The following SSUH2 variants were observed in gnomAD, a reference collection of about 807,000 sequenced individuals.
The protein encoded by SSUH2 is ssu-2 homolog, also known as protein SSUH2 homolog.
Under a neutral mutation model 55.3 loss-of-function variants are expected in SSUH2, and 47 were observed. The ratio of observed to expected loss-of-function variants is 0.85; its 90% confidence interval spans 0.67 to 1.08. The LOEUF is 1.08. SSUH2 is among the 50% of genes least tolerant of loss of function. The pLI is 0.00. For missense variants in SSUH2, 535 were observed against 490.7 expected (o/e 1.09, Z -0.85); for synonymous variants, 212 against 191.5 (o/e 1.11, Z -0.89).
At position 8,623,476 on chromosome 3, in the gene SSUH2, C is replaced by T. The variant is rs546681134; in HGVS notation, c.981+73G>A. Reference sequence around the variant, plus strand: ...CTACGTCCTCATCCTTCCGCTCCGACGTTCTCAGGAAAGAGGGCTCAGCAG... The same window carrying T: ...CTACGTCCTCATCCTTCCGCTCCGATGTTCTCAGGAAAGAGGGCTCAGCAG... On this transcript the variant is annotated intron_variant, in intron 11 of 11. Coordinates refer to ENST00000544814, the MANE Select transcript of SSUH2 (RefSeq NM_001256748.3). 5 of 933,822 alleles carry T rather than the reference C, an allele frequency of 5.4e-6. No individual in the cohort carries two copies. The East Asian group carries it at 1.1e-4, about 20-fold the overall frequency. The allele number at this position is 933,822 out of a possible 1,614,324, so 57.8% of individuals were successfully genotyped here.
rs1458134339 is a variant in SSUH2, at chr3:8,627,739, C to A, written c.633G>T (p.Gln211His). 1.2e-6 allele frequency: 2 copies of A among 1,610,606 alleles called. No homozygotes were observed. Among genetic ancestry groups the A allele is most frequent in the African/African-American group, 2.7e-5 (2 of 74,776 alleles). The change falls in exon 8 of 12, where the codon CAG (glutamine) becomes CAT (histidine). Residue 211 changes from glutamine to histidine, a missense_variant. By Grantham distance (24) the Gln-to-His change is conservative. Coordinates refer to ENST00000544814, the MANE Select transcript of SSUH2 (RefSeq NM_001256748.3). ...CCGCGCACAGCTGACATCTCCGGGA[C>A]TGCTTGGCTTTGCGCTTGGCTCCGC... ...SCCGAKRKAK[Q>H]SRRCQLCAGS...
chr3:8,680,160 G>A (rs893473584), intron 1 of SSUH2, among the ~76,000 whole-genome samples: 22 of 152,178 alleles, frequency 1.4e-4, no homozygotes, highest in Middle Eastern at 3.2e-3. Context: ...GGTGGCCTAC[G>A]TCTCTAAACA....
rs763523323 is a variant in SSUH2 at position 8,633,702 on chromosome 3, G to A, written c.303C>T (p.Leu101=). The change falls in exon 4 of 12, where the codon CTC becomes CTT. Residue 101 remains leucine, a synonymous_variant. Transcript: ENST00000544814. The part of the protein sequence containing the change: ...CCYSSTVAGD[L]VIQELKRQTL... ...TCTGCCGCTTCAGCTCCTGGATGACGAGGTCTCCAGCCACCGTGCTGCTGT... is the reference window on the plus strand; with the variant it reads ...TCTGCCGCTTCAGCTCCTGGATGACAAGGTCTCCAGCCACCGTGCTGCTGT... 29 of 1,539,710 alleles carry A rather than the reference G, an allele frequency of 1.9e-5. No individual in the cohort carries two copies. Among genetic ancestry groups the A allele is most frequent in the Admixed American group, 4.0e-5 (2 of 49,408 alleles).
chr3:8,620,198 G>A (rs1321548311), intron 11 of SSUH2, among the ~76,000 whole-genome samples, 184 bp from the exon 12 acceptor site: 1 of 152,152 alleles, frequency 6.6e-6, no homozygotes, highest in Non-Finnish European at 1.5e-5. Flanking sequence ...ATCTTCATGT[G>A]ACATAAGAGG....
chr3:8,672,453 T>A (rs951713023), intron 3 of SSUH2, among the ~76,000 whole-genome samples: 1 of 152,104 alleles, frequency 6.6e-6, no homozygotes, highest in Non-Finnish European at 1.5e-5. Context: ...ACACTTTCTG[T>A]GATATTGGGA....
intron 2 of SSUH2, chr3:8,677,544 C>G (rs1705507080): frequency 6.6e-6 from 1 of 150,752 alleles, no homozygotes; most frequent in Non-Finnish European, 1.5e-5. Context: ...TCTGGCAGCC[C>G]CAGCCCTGGG....
At chr3:8,634,615 A>C in intron 3 of SSUH2, 1 of 1,283,332 alleles carries the variant, frequency 7.8e-7, no homozygotes, top group Non-Finnish European at 1.0e-6. Context: ...GAGAGGCCAG[A>C]GATGACTCCC....
At position 8,620,013 on chromosome 3, in the gene SSUH2, C is replaced by T. The variant is rs753118608; in HGVS notation, c.983G>A (p.Arg328His). Residue 328 changes from arginine (R) to histidine (H), a missense_variant and splice_region_variant, in exon 12 of 12, where the codon CGC becomes CAC. Coordinates refer to ENST00000544814, the MANE Select transcript of SSUH2 (RefSeq NM_001256748.3). ...LASRARVLQQ[R>H]QTIELIPLTE... ...GAGGGGGATCAGCTCAATGGTCTGG[C>T]GCTGAGGAAACAAATAGCCAAGGAA... 3.9e-5 allele frequency: 63 copies of T among 1,613,682 alleles called. 1 individual carries two copies. The highest frequency in any genetic ancestry group is 7.7e-5 in the South Asian group (7 of 90,996).
At chr3:8,632,022 T>G in intron 5 of SSUH2, 27 bp downstream of exon 5, 1 of 1,601,814 alleles carries the variant, frequency 6.2e-7, no homozygotes, top group Non-Finnish European at 8.6e-7. Flanking sequence ...TGCCCCCAGT[T>G]AAACTAATTT....
At chr3:8,663,594 A>AT (rs1449088953) in intron 6 of SSUH2, 2 of 267,142 alleles carry the variant, frequency 7.5e-6, no homozygotes, top group East Asian at 1.2e-4. Flanking sequence ...GCTGGGTGTG[A>AT]TATCTCCAGC....
intron 7 of SSUH2, among the ~76,000 whole-genome samples, chr3:8,652,924 A>C (rs1702569094): frequency 6.6e-6 from 1 of 152,100 alleles, no homozygotes; most frequent in African/African-American, 2.4e-5. Flanking sequence ...CCTTTCCCTC[A>C]GGCCATCTCC....
chr3:8,623,507 G>T, intron 11 of SSUH2, 42 bp downstream of exon 11: 1 of 1,178,746 alleles, frequency 8.5e-7, no homozygotes, highest in South Asian at 1.3e-5. Context: ...AGCAGCCCAG[G>T]AAGAGACGTC....
chr3:8,642,470 C>T (rs1032165880), intron 1 of SSUH2, among the ~76,000 whole-genome samples: 9 of 152,192 alleles, frequency 5.9e-5, no homozygotes, highest in African/African-American at 1.7e-4. Context: ...TGGACAGTCT[C>T]GACTATAGAA....
rs545074847 is a variant in SSUH2, at chr3:8,660,339, C to T, written c.-395-1326G>A. ...GCAGGCCAGGAGCCAAGATCAACACCCTGACCTCACTCGCCTCTCATCCAC... is the reference window on the plus strand; with the variant it reads ...GCAGGCCAGGAGCCAAGATCAACACTCTGACCTCACTCGCCTCTCATCCAC... On this transcript the variant is annotated intron_variant, in intron 6 of 18. Coordinates refer to the SSUH2 transcript ENST00000317371. 1.8e-4 allele frequency among the ~76,000 whole-genome samples: 28 copies of T among 152,284 alleles called. 1 individual carries two copies. Among genetic ancestry groups the T allele is most frequent in the African/African-American group, 6.5e-4 (27 of 41,558 alleles).
At chr3:8,664,036 C>A in intron 5 of SSUH2, 1 of 336,852 alleles carries the variant, frequency 3.0e-6, no homozygotes, top group Non-Finnish European at 5.9e-6. Context: ...CGGCCCATGT[C>A]AACACGAGGT....
intron 8 of SSUH2, chr3:8,627,045 C>A (rs1284184119): frequency 6.6e-6 from 1 of 152,238 alleles, no homozygotes; most frequent in Non-Finnish European, 1.5e-5. Context: ...GAAGGTGCCA[C>A]CAAAGCTTCT....
At chr3:8,676,852 A>G (rs1181000854) in intron 3 of SSUH2, among the ~76,000 whole-genome samples, 1 of 146,002 alleles carries the variant, frequency 6.8e-6, no homozygotes, top group African/African-American at 2.6e-5. Context: ...GGCCCTTAGG[A>G]CCCCCATCGC....
chr3:8,638,570 A>G (rs1412746102), intron 1 of SSUH2, among the ~76,000 whole-genome samples: 1 of 152,210 alleles, frequency 6.6e-6, no homozygotes, highest in African/African-American at 2.4e-5. Context: ...GGCTCTCTGC[A>G]TGATGTGACA....
At chr3:8,640,888 T>C (rs977896810) in intron 1 of SSUH2, among the ~76,000 whole-genome samples, 4 of 152,230 alleles carry the variant, frequency 2.6e-5, no homozygotes, top group African/African-American at 9.6e-5. Flanking sequence ...TTATTTGAGA[T>C]TGTTATTTGT....
Sources: gnomAD v4.1 joint callset for allele counts (sites outside exome capture counted in the v4.1 genomes callset) on GRCh38, gnomAD v4.1.1 for gene constraint, MANE v1.5 for transcripts, NCBI Gene and HGNC (gene_info 2026-07-23, HGNC 2026-07-21) for gene names.